ZNF730: variants seen among roughly 807,000 people sequenced by gnomAD.
The protein encoded by ZNF730 is zinc finger protein 730, also known as putative zinc finger protein 730.
ZNF730 carries 12 observed loss-of-function variants against 12.6 expected under a neutral mutation model. That is an observed-to-expected ratio of 0.95 (90% CI 0.61 to 1.54). ZNF730 has a LOEUF of 1.54. Ranked by LOEUF, ZNF730 falls within the 40% of genes most tolerant of loss-of-function variation. ZNF730 has a pLI of 0.00. For synonymous variants in ZNF730, 194 were observed against 195.8 expected (o/e 0.99, Z 0.08); for missense variants, 643 against 583.5 (o/e 1.10, Z -1.05).
At chr19:23,112,709 C>T (rs929230787), upstream of ZNF730, among the ~76,000 whole-genome samples, 3 of 147,548 alleles carry the variant, frequency 2.0e-5, no homozygotes, top group African/African-American at 7.6e-5. Context: ...GGCTACAGAG[C>T]GAGACTTCGT....
chr19:23,111,760 A>G (rs1471296357), intron 1 of ZNF730, among the ~76,000 whole-genome samples: 1 of 150,720 alleles, frequency 6.6e-6, no homozygotes, highest in Non-Finnish European at 1.5e-5. Context: ...AAAAAAAAAA[A>G]GATAGATACA....
At chr19:23,134,536 G>A (rs1202461521) in intron 2 of ZNF730, among the ~76,000 whole-genome samples, 4 of 140,498 alleles carry the variant, frequency 2.8e-5, no homozygotes, top group East Asian at 2.2e-4. Flanking sequence ...GCCTCTGCCC[G>A]GCCGCCCCTA....
chr19:23,075,276 G>T, exon 1 of ZNF730: 1 of 153,010 alleles, frequency 6.5e-6, no homozygotes, highest in South Asian at 1.9e-4. Flanking sequence ...CTCTACCTGG[G>T]AACCACCGAC....
At chr19:23,088,598 G>A (rs1370117859) in intron 1 of ZNF730, among the ~76,000 whole-genome samples, 1 of 151,518 alleles carries the variant, frequency 6.6e-6, no homozygotes, top group East Asian at 2.0e-4. Context: ...CGAGTAGCTG[G>A]GACTACAGGC....
intron 1 of ZNF730, among the ~76,000 whole-genome samples, chr19:23,109,529 C>T (rs899045273): frequency 3.3e-5 from 5 of 152,074 alleles, no homozygotes; most frequent in Admixed American, 1.3e-4. Flanking sequence ...CTGCCTCAGC[C>T]TCCCGAGTAG....
intron 1 of ZNF730, among the ~76,000 whole-genome samples, chr19:23,130,537 ATTG>A (rs1193171294): frequency 2.0e-5 from 3 of 152,176 alleles, no homozygotes; most frequent in Non-Finnish European, 4.4e-5. Context: ...TGTTCTTTAT[ATTG>A]TTGTGACTTT....
chr19:23,077,328 T>A (rs1599560007), intron 1 of ZNF730, among the ~76,000 whole-genome samples: 1 of 148,154 alleles, frequency 6.7e-6, no homozygotes, highest in African/African-American at 2.5e-5. Context: ...ACTCCTGACC[T>A]CAGGTGATCT....
chr19:23,135,582 C>G (rs1202271098), intron 2 of ZNF730, among the ~76,000 whole-genome samples: 1 of 152,074 alleles, frequency 6.6e-6, no homozygotes, highest in Non-Finnish European at 1.5e-5. Flanking sequence ...ACAATGTCGG[C>G]TCACTGCAAC....
At chr19:23,132,235 A>G (rs1237006276) in intron 1 of ZNF730, among the ~76,000 whole-genome samples, 4 of 152,170 alleles carry the variant, frequency 2.6e-5, no homozygotes, top group African/African-American at 9.7e-5. Context: ...GTTAAGGCAT[A>G]TTCTCCAGAT....
chr19:23,099,672 GAGA>G (rs1970306610), intron 1 of ZNF730, among the ~76,000 whole-genome samples: 1 of 152,132 alleles, frequency 6.6e-6, no homozygotes, highest in Non-Finnish European at 1.5e-5. Flanking sequence ...TTCCACCATT[GAGA>G]TTGTGACTTC....
In ZNF730 at chr19:23,136,235, T is replaced by A. The variant is rs925519123; in HGVS notation, c.226+192T>A. ...GAAGCATCTTTTGTTTTATCTTTTTTAAAATCTCTAAAAATTCTTTCCCTT... is the reference window on the plus strand; with the variant it reads ...GAAGCATCTTTTGTTTTATCTTTTTAAAAATCTCTAAAAATTCTTTCCCTT... On this transcript the variant is annotated intron_variant, in intron 3 of 3. Transcript: ENST00000597761. 9 of 330,120 alleles carry A rather than the reference T, an allele frequency of 2.7e-5. No homozygotes were observed. In the Admixed American group the frequency reaches 4.4e-4, roughly 16 times the overall value. 20.4% of individuals were successfully genotyped at this position (330,120 alleles called of 1,614,324 possible). A position where few individuals can be genotyped will look rare whatever the true frequency, so the allele number is the denominator to read the frequency against.
intron 1 of ZNF730, among the ~76,000 whole-genome samples, chr19:23,109,097 G>A (rs866654460): frequency 1.6e-4 from 25 of 152,028 alleles, no homozygotes; most frequent in Middle Eastern, 3.2e-3. Context: ...ATGCTATAGA[G>A]TGCCAATGCA....
In ZNF730 at chr19:23,146,578, G is replaced by A; in HGVS notation, c.*22G>A. The A allele has an allele frequency of 6.3e-7, 1 of 1,589,720 alleles. No individual in the cohort carries two copies. The highest frequency in any genetic ancestry group is 8.6e-7 in the Non-Finnish European group (1 of 1,168,492). ...ATAAAATTGTAAAGACTGTGGCAAA[G>A]CTTTTAAACAATCTTTATACCTTAC... On this transcript the variant is annotated 3_prime_UTR_variant, in exon 4 of 4. Transcript: ENST00000597761.
chr19:23,106,235 CAGGAGGAAG>C (rs936958856), intron 1 of ZNF730, among the ~76,000 whole-genome samples: 6 of 151,250 alleles, frequency 4.0e-5, no homozygotes, highest in African/African-American at 1.2e-4. Flanking sequence ...GAAGGAAAAG[CAGGAGGAAG>C]AGGAGAAAGA....
chr19:23,132,755 A>C (rs1970760944), intron 1 of ZNF730, among the ~76,000 whole-genome samples: 1 of 152,204 alleles, frequency 6.6e-6, no homozygotes, highest in South Asian at 2.1e-4. Context: ...TGCTTATTTA[A>C]ACAGGGTGGC....
Position 23,117,101 on chromosome 19 carries a change from C to T in ZNF730, c.-73C>T. 1 of 1,610,378 alleles carries T rather than the reference C, an allele frequency of 6.2e-7. No individual in the cohort carries two copies. The highest frequency in any genetic ancestry group is 1.1e-5 in the South Asian group (1 of 91,000). ...TGTCCTCTGCACGTAGAAGCCCAGC[C>T]TGTGTGGCCCTGCGACCTGCGGGTA... is the stretch of plus-strand genomic sequence containing the variant. On this transcript the variant is annotated 5_prime_UTR_variant, in exon 1 of 4. Transcript: ENST00000597761.
At chr19:23,131,029 A>G (rs775229231) in intron 1 of ZNF730, among the ~76,000 whole-genome samples, 19 of 152,190 alleles carry the variant, frequency 1.2e-4, no homozygotes, top group Non-Finnish European at 2.2e-4. Context: ...TGAGAAATAT[A>G]AAGTATGAAT....
intron 1 of ZNF730, among the ~76,000 whole-genome samples, chr19:23,100,972 C>T (rs1450392748): frequency 3.9e-5 from 6 of 152,004 alleles, no homozygotes; most frequent in Non-Finnish European, 1.5e-5. Flanking sequence ...TTTCTAAACC[C>T]AGCTTGTTAA....
At chr19:23,087,025 T>C (rs1386411734) in intron 1 of ZNF730, among the ~76,000 whole-genome samples, 4 of 137,114 alleles carry the variant, frequency 2.9e-5, no homozygotes, top group African/African-American at 1.2e-4. Context: ...GCTGTATTCC[T>C]AGGCATTTTA....
Sources: allele counts gnomAD v4.1 joint callset (sites outside exome capture counted in the v4.1 genomes callset), GRCh38; gene constraint gnomAD v4.1.1; transcripts MANE v1.5; gene names NCBI Gene and HGNC (gene_info 2026-07-23, HGNC 2026-07-21).